The following SLIT2 variants were observed in gnomAD, a reference collection of about 807,000 sequenced individuals.
SLIT2 encodes slit homolog 2 protein.
A neutral mutation model predicts 185.7 loss-of-function variants in SLIT2; 41 were observed. The ratio of observed to expected loss-of-function variants is 0.22; its 90% CI spans 0.17 to 0.29. SLIT2 has a LOEUF of 0.29. Among genes scored for constraint, SLIT2 ranks in the 10% least tolerant of loss-of-function variants. The pLI, the probability that SLIT2 is intolerant of heterozygous loss-of-function variation, is 1.00. For missense variants in SLIT2, 1,571 were observed against 1,909.0 expected, an observed-to-expected ratio of 0.82 and a Z score of 3.30; for synonymous variants, 693 against 680.2, an observed-to-expected ratio of 1.02 and a Z score of -0.29.
chr4:20,539,381 T>C, intron 18 of SLIT2, 60 bp from the exon 19 acceptor site: 2 of 1,363,308 alleles, frequency 1.5e-6, no homozygotes, highest in Non-Finnish European at 2.0e-6. Context: ...GATCCTCAGA[T>C]AGGCAAAATT....
At chr4:20,364,101 T>C (rs2109301075) in intron 4 of SLIT2, among the ~76,000 whole-genome samples, 1 of 152,284 alleles carries the variant, frequency 6.6e-6, no homozygotes, top group East Asian at 1.9e-4. Context: ...AGTTCGTCTT[T>C]GCTCTTGTCC....
intron 6 of SLIT2, among the ~76,000 whole-genome samples, chr4:20,483,738 A>G (rs959063895): frequency 2.6e-5 from 4 of 152,030 alleles, no homozygotes; most frequent in Admixed American, 2.6e-4. Context: ...TGTCTTTTGT[A>G]TTAGAATACT....
At chr4:20,609,463 A>G (rs1729042226) in intron 33 of SLIT2, among the ~76,000 whole-genome samples, 1 of 152,200 alleles carries the variant, frequency 6.6e-6, no homozygotes, top group South Asian at 2.1e-4. Flanking sequence ...GTAAGAGGAT[A>G]TTATTAACAA....
At chr4:20,406,110 G>A (rs1468621971) in intron 4 of SLIT2, among the ~76,000 whole-genome samples, 1 of 143,266 alleles carries the variant, frequency 7.0e-6, no homozygotes, top group African/African-American at 2.4e-5. Context: ...GATTTACACA[G>A]GTAAACAACT....
chr4:20,470,212 T>TA (rs542123818), intron 5 of SLIT2, among the ~76,000 whole-genome samples: 1 of 152,100 alleles, frequency 6.6e-6, no homozygotes, highest in African/African-American at 2.4e-5. Flanking sequence ...AAGTTAACCC[T>TA]AAAAAATGCA....
chr4:20,508,253 A>G (rs1299269344), intron 9 of SLIT2, among the ~76,000 whole-genome samples: 1 of 152,048 alleles, frequency 6.6e-6, no homozygotes, highest in Non-Finnish European at 1.5e-5. Context: ...CAGAGGAGTT[A>G]AGAGGATGTC....
chr4:20,579,535 G>A (rs557480251), intron 29 of SLIT2, among the ~76,000 whole-genome samples: 77 of 152,198 alleles, frequency 5.1e-4, no homozygotes, highest in Non-Finnish European at 8.8e-5. Context: ...TAGGAAATTA[G>A]ATGTTGATCT....
At chr4:20,289,085 A>T (rs879847609) in intron 4 of SLIT2, among the ~76,000 whole-genome samples, 5 of 152,230 alleles carry the variant, frequency 3.3e-5, no homozygotes, top group Non-Finnish European at 4.4e-5. Context: ...AGGACAGAGA[A>T]AGGTGGGGCA....
At chr4:20,562,005 A>G (rs937695700) in intron 26 of SLIT2, among the ~76,000 whole-genome samples, 5 of 151,836 alleles carry the variant, frequency 3.3e-5, no homozygotes, top group African/African-American at 1.2e-4. Context: ...AAGTTCATTT[A>G]GTGGCCCAAA....
At chr4:20,323,081 T>C (rs2109172042) in intron 4 of SLIT2, among the ~76,000 whole-genome samples, 1 of 152,298 alleles carries the variant, frequency 6.6e-6, no homozygotes, top group East Asian at 1.9e-4. Flanking sequence ...AAACCGGTCA[T>C]GTTTAAAAGT....
chr4:20,498,644 A>G (rs1718442731), intron 9 of SLIT2, among the ~76,000 whole-genome samples: 1 of 152,260 alleles, frequency 6.6e-6, no homozygotes, highest in East Asian at 1.9e-4. Flanking sequence ...GTAAGTTATA[A>G]CAATTTGGTT....
intron 4 of SLIT2, among the ~76,000 whole-genome samples, chr4:20,299,490 C>G (rs575491882): frequency 4.6e-5 from 7 of 152,056 alleles, no homozygotes; most frequent in Non-Finnish European, 1.0e-4. Context: ...AATATTTTAT[C>G]TATTTCAATA....
intron 4 of SLIT2, among the ~76,000 whole-genome samples, chr4:20,351,487 G>T (rs1721871015): frequency 6.6e-6 from 1 of 152,170 alleles, no homozygotes; most frequent in Non-Finnish European, 1.5e-5. Context: ...TTTCTGGGCA[G>T]TGGGCAAGAA....
chr4:20,574,478 G>C (rs189594036), intron 29 of SLIT2, among the ~76,000 whole-genome samples: 120 of 152,244 alleles, frequency 7.9e-4, no homozygotes, highest in African/African-American at 2.8e-3. Context: ...TTTGCAGTTG[G>C]ATTATGAGGA....
rs1394001618 is a variant in SLIT2 at position 20,424,091 on chromosome 4, C to T, written c.396-43661C>T. On this transcript the variant is annotated intron_variant, in intron 4 of 36. Transcript: ENST00000504154. ...ACCATTTGTTCATTGTCATGTTACT[C>T]AGAGTTGGCATAGAACATACGTGGA... 4.6e-5 allele frequency among the ~76,000 whole-genome samples: 7 copies of T among 152,252 alleles called. No homozygotes were observed. The East Asian group carries it at 5.8e-4, about 13-fold the overall frequency.
At position 20,362,051 on chromosome 4, in the gene SLIT2, G is replaced by A. The variant is rs185927618; in HGVS notation, c.395+93170G>A. On this transcript the variant is annotated intron_variant, in intron 4 of 36. Transcript: ENST00000504154. ...GAAAGAATTTTCAAAATATGGCTGCGTTCTCTTGGTGAAAAGTACTTTCCA... is the reference window on the plus strand; with the variant it reads ...GAAAGAATTTTCAAAATATGGCTGCATTCTCTTGGTGAAAAGTACTTTCCA... 2.3e-3 allele frequency among the ~76,000 whole-genome samples: 345 copies of A among 152,166 alleles called. 1 individual carries two copies. The highest frequency in any genetic ancestry group is 4.0e-3 in the Non-Finnish European group (269 of 67,976).
In SLIT2 at chr4:20,518,662, T is replaced by C. The variant is rs532998433; in HGVS notation, c.1059-720T>C. Among the ~76,000 whole-genome samples, 7 of 103,476 alleles carry C rather than the reference T, an allele frequency of 6.8e-5. No individual in the cohort carries two copies. The South Asian group carries it at 3.0e-3, about 45-fold the overall frequency. The allele number at this position is 103,476 out of a possible 152,430, so 67.9% of individuals were successfully genotyped here. A position where few individuals can be genotyped will look rare whatever the true frequency, so the allele number is the denominator to read the frequency against. The stretch of plus-strand genomic sequence containing the variant: ...CTCTGTCGCCCAGGCTGGAGTGCAG[T>C]GGCGCGATCTCGGCTCACTGCAAGC... On this transcript the variant is annotated intron_variant, in intron 11 of 36. Coordinates refer to ENST00000504154, the MANE Select transcript of SLIT2 (RefSeq NM_004787.4).
At chr4:20,474,476 A>G (rs115869445) in intron 5 of SLIT2, among the ~76,000 whole-genome samples, 2,264 of 152,198 alleles carry the variant, frequency 0.015, 25 homozygotes, top group Non-Finnish European at 0.024. Context: ...TCAATAATGC[A>G]TTTTGTCATG....
chr4:20,388,682 G>A (rs867746418), intron 4 of SLIT2, among the ~76,000 whole-genome samples: 3 of 151,416 alleles, frequency 2.0e-5, no homozygotes, highest in Non-Finnish European at 4.4e-5. Context: ...GCTGAAGGAG[G>A]AGAATCGTTT....
Sources: gnomAD v4.1 joint callset for allele counts (sites outside exome capture counted in the v4.1 genomes callset) on GRCh38, gnomAD v4.1.1 for gene constraint, MANE v1.5 for transcripts, NCBI Gene and HGNC (gene_info 2026-07-23, HGNC 2026-07-21) for gene names.